Variants in MLEC observed in about 807,000 individuals in gnomAD.
The protein encoded by MLEC is malectin.
Under a neutral mutation model 28.7 loss-of-function variants are expected in MLEC, and 7 were observed. The ratio of observed to expected loss-of-function variants is 0.24; its 90% CI spans 0.14 to 0.46. The LOEUF (loss-of-function observed/expected upper bound fraction) is 0.46, where lower values mean the gene tolerates loss of function less well. Ranked by LOEUF, MLEC falls within the 20% of genes least tolerant of loss-of-function variation. The probability of loss-of-function intolerance (pLI) is 0.99; values close to 1 mark genes in which losing one functional copy is unlikely to be tolerated. For missense variants in MLEC, 237 were observed against 391.1 expected (o/e 0.61, Z 3.32); for synonymous variants, 142 against 164.4 (o/e 0.86, Z 1.04).
Position 120,698,157 on chromosome 12 carries a change from AG to A in MLEC, c.*1614del, listed in dbSNP as rs1156895086. The A allele has an allele frequency of 6.6e-6, 1 of 152,306 alleles. No homozygotes were observed. The highest frequency in any genetic ancestry group is 1.9e-4 in the East Asian group (1 of 5,184). 9.4% of individuals were successfully genotyped at this position (152,306 alleles called of 1,614,324 possible). On this transcript the variant is annotated 3_prime_UTR_variant, in exon 5 of 5. Transcript: ENST00000228506. ...CAGCTTGGGCTGGAGCAGTCAATAT[AG>A]GATCTCAGGCCAGGCCCGCTTTTCT...
chr12:120,694,745 A>T lies in MLEC; in HGVS notation c.415-79A>T. 1 of 1,362,512 alleles carries T rather than the reference A, an allele frequency of 7.3e-7. No individual in the cohort carries two copies. The highest frequency in any genetic ancestry group is 1.0e-6 in the Non-Finnish European group (1 of 988,180). The allele number at this position is 1,362,512 out of a possible 1,614,324, so 84.4% of individuals were successfully genotyped here. A position where few individuals can be genotyped will look rare whatever the true frequency, so the allele number is the denominator to read the frequency against. ...AATTATTTTTGAACTTCAAGCCCAA[A>T]CACGTGCATGATGTCCAACTGCTTG... is the stretch of plus-strand genomic sequence containing the variant. On this transcript the variant is annotated intron_variant, in intron 2 of 4. Transcript: ENST00000228506. This position sits in a 1 kb window ranked among gnomAD's most constrained non-coding sequence, Gnocchi z 4.5.
rs1439663461 is a variant in MLEC at position 120,687,407 on chromosome 12, C to T, written c.111C>T (p.Ala37=). 5 of 1,390,286 alleles carry T rather than the reference C, an allele frequency of 3.6e-6. No individual in the cohort carries two copies. The highest frequency in any genetic ancestry group is 4.7e-6 in the Non-Finnish European group (5 of 1,074,114). 86.1% of individuals were successfully genotyped at this position (1,390,286 alleles called of 1,614,324 possible). ...CCGGGCTCGGCGTGGCCGGCGTGGC[C>T]GGCGCGGCGGGGGCCGGGCTGCCCG... ...RGPGLGVAGV[A]GAAGAGLPES... Residue 37 remains alanine (A), a synonymous_variant, in exon 1 of 5, where the codon GCC becomes GCT. Coordinates refer to ENST00000228506, the MANE Select transcript of MLEC (RefSeq NM_014730.4). This position sits in a 1 kb window ranked among gnomAD's most constrained non-coding sequence, Gnocchi z 8.1.
intron 1 of MLEC, among the ~76,000 whole-genome samples, chr12:120,688,997 A>G (rs1037899661): frequency 6.6e-6 from 1 of 152,238 alleles, no homozygotes; most frequent in Non-Finnish European, 1.5e-5. Flanking sequence ...GAAACTAGAC[A>G]GTTTGTGGAC....
chr12:120,689,639 A>T (rs912019845), intron 1 of MLEC, among the ~76,000 whole-genome samples: 8 of 152,246 alleles, frequency 5.3e-5, no homozygotes, highest in African/African-American at 1.7e-4. Context: ...CTAAGGAGTC[A>T]GTCCTACCAA....
rs568466372 is a variant in MLEC at position 120,698,799 on chromosome 12, C to G, written c.*2254C>G. 2.2e-4 allele frequency: 34 copies of G among 152,812 alleles called. No homozygotes were observed. The highest frequency in any genetic ancestry group is 7.7e-4 in the African/African-American group (32 of 41,578). 9.5% of individuals were successfully genotyped at this position (152,812 alleles called of 1,614,324 possible). ...TTTCCTAATGGTACTGTAAGCCAAG[C>G]AGCTTTGCTTCTGCCTCTGTTTCCA... On this transcript the variant is annotated 3_prime_UTR_variant, in exon 5 of 5. Coordinates refer to ENST00000228506, the MANE Select transcript of MLEC (RefSeq NM_014730.4).
In MLEC at chr12:120,700,727, T is replaced by C. The variant is rs1225799926; in HGVS notation, c.*4182T>C. The C allele has an allele frequency of 6.6e-6, 1 of 152,268 alleles. No individual in the cohort carries two copies. The highest frequency in any genetic ancestry group is 2.4e-5 in the African/African-American group (1 of 41,460). 9.4% of individuals were successfully genotyped at this position (152,268 alleles called of 1,614,324 possible). A position where few individuals can be genotyped will look rare whatever the true frequency, so the allele number is the denominator to read the frequency against. Reference sequence around the variant, plus strand: ...TCTTTCAGTCCAAACTAAGACTCTCTGTATTTAAATCTCTCTGGGGCAAGA... The same window carrying C: ...TCTTTCAGTCCAAACTAAGACTCTCCGTATTTAAATCTCTCTGGGGCAAGA... On this transcript the variant is annotated 3_prime_UTR_variant, in exon 5 of 5. Coordinates refer to ENST00000228506, the MANE Select transcript of MLEC (RefSeq NM_014730.4). This position sits in a 1 kb window ranked among gnomAD's most constrained non-coding sequence, Gnocchi z 4.0.
At chr12:120,692,515 G>C (rs942680287) in intron 1 of MLEC, among the ~76,000 whole-genome samples, 10 of 152,012 alleles carry the variant, frequency 6.6e-5, no homozygotes, top group African/African-American at 2.4e-5. Flanking sequence ...CAGTCCCTCT[G>C]ATCTCGTGGC....
chr12:120,701,859 ACT>A (rs1191728637), downstream of MLEC: 1 of 152,550 alleles, frequency 6.6e-6, no homozygotes, highest in Non-Finnish European at 1.5e-5. This position sits in a 1 kb window ranked among gnomAD's most constrained non-coding sequence, Gnocchi z 4.0. Context: ...TTGCAGTGAC[ACT>A]CTGTGTTGGG....
chr12:120,687,330 G>A lies in MLEC; in HGVS notation c.34G>A (p.Val12Met). ...AGCCTGGGCGGTTGAGGGAACCGCT[G>A]TGGCGCTCCTGCGACTGCTGCTGCT... ...LGAWAVEGTAVALLRLLLLLL... is the reference protein window; with the variant it reads ...LGAWAVEGTAMALLRLLLLLL... Residue 12 changes from valine (V) to methionine (M), a missense_variant, in exon 1 of 5, where the codon GTG becomes ATG. By Grantham distance (21) the Val-to-Met change is conservative. Coordinates refer to ENST00000228506, the MANE Select transcript of MLEC (RefSeq NM_014730.4). The surrounding 1 kb of genome is among the most constrained non-coding windows in gnomAD (Gnocchi z 8.1). 3 of 1,398,230 alleles carry A rather than the reference G, an allele frequency of 2.1e-6. No homozygotes were observed. Among genetic ancestry groups the A allele is most frequent in the Non-Finnish European group, 2.8e-6 (3 of 1,078,554 alleles). The allele number at this position is 1,398,230 out of a possible 1,614,324, so 86.6% of individuals were successfully genotyped here. A position where few individuals can be genotyped will look rare whatever the true frequency, so the allele number is the denominator to read the frequency against.
intron 1 of MLEC, among the ~76,000 whole-genome samples, chr12:120,688,806 A>G (rs1469388372): frequency 3.3e-5 from 5 of 152,072 alleles, no homozygotes. Context: ...TTTGTCTTGG[A>G]GTTTGTTGAG....
At position 120,687,177 on chromosome 12, in the gene MLEC, G is replaced by C. The variant is rs544974383; in HGVS notation, c.-120G>C. The C allele has an allele frequency of 3.3e-5, 37 of 1,132,768 alleles. No individual in the cohort carries two copies. In the African/African-American group the frequency reaches 5.7e-4, roughly 17 times the overall value. 70.2% of individuals were successfully genotyped at this position (1,132,768 alleles called of 1,614,324 possible). On this transcript the variant is annotated 5_prime_UTR_variant, in exon 1 of 5. Coordinates refer to ENST00000228506, the MANE Select transcript of MLEC (RefSeq NM_014730.4). The surrounding 1 kb of genome is among the most constrained non-coding windows in gnomAD (Gnocchi z 8.1). ...GCTGAGAAGAAGGAGGCCTGAGAGC[G>C]ACATGTCCCCGGCGGCTCAGGCGGA...
chr12:120,696,789 T>G lies in MLEC; in HGVS notation c.*244T>G. ...CTGGCTCCCAGCCTTCTCTTTCCTC[T>G]TGAGGATACTTAGGGTAAACTGGAT... On this transcript the variant is annotated 3_prime_UTR_variant, in exon 5 of 5. Coordinates refer to ENST00000228506, the MANE Select transcript of MLEC (RefSeq NM_014730.4). The surrounding 1 kb of genome is among the most constrained non-coding windows in gnomAD (Gnocchi z 5.4). 1.8e-6 allele frequency: 1 copy of G among 554,400 alleles called. No individual in the cohort carries two copies. Among genetic ancestry groups the G allele is most frequent in the Non-Finnish European group, 3.2e-6 (1 of 316,400 alleles). 34.3% of individuals were successfully genotyped at this position (554,400 alleles called of 1,614,324 possible). A position where few individuals can be genotyped will look rare whatever the true frequency, so the allele number is the denominator to read the frequency against.
At position 120,695,173 on chromosome 12, in the gene MLEC, CT is replaced by C. The variant is rs754260757; in HGVS notation, c.649+27del. On this transcript the variant is annotated intron_variant, in intron 4 of 4. Transcript: ENST00000228506. Reference sequence around the variant, plus strand: ...GGATGGTAGGTTGTGTTCTGACCTGCTTTTTTGACTTGAGTGGAGGGATATG... The same window carrying C: ...GGATGGTAGGTTGTGTTCTGACCTGCTTTTTGACTTGAGTGGAGGGATATG... The C allele has an allele frequency of 1.9e-6, 3 of 1,613,852 alleles. 1 individual carries two copies. Among genetic ancestry groups the C allele is most frequent in the South Asian group, 2.2e-5 (2 of 91,074 alleles).
intron 1 of MLEC, among the ~76,000 whole-genome samples, chr12:120,693,801 CAG>C (rs1192501793): frequency 6.6e-6 from 1 of 152,182 alleles, no homozygotes; most frequent in Non-Finnish European, 1.5e-5. Context: ...TCCGTACAGT[CAG>C]GGGGAAAAAG....
intron 1 of MLEC, among the ~76,000 whole-genome samples, chr12:120,689,204 GGTGTGTGTGTGTGT>G (rs63092860): frequency 2.0e-5 from 3 of 148,976 alleles, no homozygotes; most frequent in Non-Finnish European, 3.0e-5. Context: ...TGATGCAGGT[GGTGTGTGTGTGTGT>G]GTGTGTGTGT....
chr12:120,687,261 G>A lies in MLEC; in HGVS notation c.-36G>A. The stretch of plus-strand genomic sequence containing the variant: ...TGGCCTGGCAGCCGGCCGAGGACGA[G>A]GGTCGGCGGGGGCTGCCCCCGTGGT... On this transcript the variant is annotated 5_prime_UTR_variant, in exon 1 of 5. Transcript: ENST00000228506. The surrounding 1 kb of genome is among the most constrained non-coding windows in gnomAD (Gnocchi z 8.1). 3 of 1,355,162 alleles carry A rather than the reference G, an allele frequency of 2.2e-6. No homozygotes were observed. Among genetic ancestry groups the A allele is most frequent in the South Asian group, 1.9e-5 (1 of 52,312 alleles). 83.9% of individuals were successfully genotyped at this position (1,355,162 alleles called of 1,614,324 possible).
At position 120,687,544 on chromosome 12, in the gene MLEC, C is replaced by A; in HGVS notation, c.235+13C>A. 1.3e-6 allele frequency: 2 copies of A among 1,491,798 alleles called. No individual in the cohort carries two copies. The highest frequency in any genetic ancestry group is 2.4e-5 in the Admixed American group (1 of 42,352). 92.4% of individuals were successfully genotyped at this position (1,491,798 alleles called of 1,614,324 possible). ...CGGGTGGGCCGAGGTGAGAGTCCCC[C>A]TGCCGAGCCGCGGGATCCAGGGCCT... On this transcript the variant is annotated intron_variant, in intron 1 of 4. Transcript: ENST00000228506. This position sits in a 1 kb window ranked among gnomAD's most constrained non-coding sequence, Gnocchi z 8.1.
In MLEC at chr12:120,687,789, C is replaced by T. The variant is rs1312172368; in HGVS notation, c.235+258C>T. Among the ~76,000 whole-genome samples the T allele has an allele frequency of 6.6e-6, 1 of 152,202 alleles. No homozygotes were observed. The highest frequency in any genetic ancestry group is 2.4e-5 in the African/African-American group (1 of 41,458). ...CTCATCCTGCATTTTCTCAACCCCT[C>T]ACTCCCATCCAAGCTGGGAGAGAAA... On this transcript the variant is annotated intron_variant, in intron 1 of 4. Coordinates refer to ENST00000228506, the MANE Select transcript of MLEC (RefSeq NM_014730.4). The surrounding 1 kb of genome is among the most constrained non-coding windows in gnomAD (Gnocchi z 8.1).
In MLEC at chr12:120,687,588, G is replaced by A. The variant is rs1881874965; in HGVS notation, c.235+57G>A. ...AGGGCCTGCTGTGCTGGGCGCAGCC[G>A]GCCGGGGGCTGCGGGCCCCGAGCCC... On this transcript the variant is annotated intron_variant, in intron 1 of 4. Transcript: ENST00000228506. This position sits in a 1 kb window ranked among gnomAD's most constrained non-coding sequence, Gnocchi z 8.1. 4 of 1,350,526 alleles carry A rather than the reference G, an allele frequency of 3.0e-6. No individual in the cohort carries two copies. The highest frequency in any genetic ancestry group is 2.6e-4 in the Middle Eastern group (1 of 3,888). 83.7% of individuals were successfully genotyped at this position (1,350,526 alleles called of 1,614,324 possible). A position where few individuals can be genotyped will look rare whatever the true frequency, so the allele number is the denominator to read the frequency against.
Sources: gnomAD v4.1 joint callset for allele counts (sites outside exome capture counted in the v4.1 genomes callset) on GRCh38, gnomAD v4.1.1 for gene constraint, Gnocchi (gnomAD v3.1) non-coding constraint, MANE v1.5 for transcripts, NCBI Gene and HGNC (gene_info 2026-07-23, HGNC 2026-07-21) for gene names.